The following LDLRAD4 variants were observed in gnomAD, a reference collection of about 807,000 sequenced individuals.
LDLRAD4 encodes low density lipoprotein receptor class A domain containing 4.
Under a neutral mutation model 17.0 loss-of-function variants are expected in LDLRAD4, and 5 were observed. The observed-to-expected ratio is 0.29, with a 90% CI of 0.15 to 0.62. The LOEUF (loss-of-function observed/expected upper bound fraction) is 0.62, where lower values mean the gene tolerates loss of function less well. LDLRAD4 is among the 20% of genes least tolerant of loss of function. LDLRAD4 has a pLI of 0.84. For synonymous variants in LDLRAD4, 168 were observed against 171.8 expected, an observed-to-expected ratio of 0.98 and a Z score of 0.17; for missense variants, 340 against 424.7, an observed-to-expected ratio of 0.80 and a Z score of 1.75.
chr18:13,537,211 T>C (rs1226916729), intron 3 of LDLRAD4, among the ~76,000 whole-genome samples: 1 of 152,214 alleles, frequency 6.6e-6, no homozygotes, highest in Non-Finnish European at 1.5e-5. Context: ...ATTTCCTTTT[T>C]AAATACAGTC....
chr18:13,450,035 G>A (rs567481453), intron 3 of LDLRAD4, among the ~76,000 whole-genome samples: 11 of 152,322 alleles, frequency 7.2e-5, no homozygotes, highest in South Asian at 2.1e-4. Context: ...GAGAGAGTTC[G>A]CTCTTCCATT....
chr18:13,498,767 G>C (rs979675418), intron 3 of LDLRAD4, among the ~76,000 whole-genome samples: 1 of 149,140 alleles, frequency 6.7e-6, no homozygotes, highest in Non-Finnish European at 1.5e-5. Flanking sequence ...ACATCCCGCC[G>C]TGGACACTGG....
chr18:13,245,789 A>G (rs919181895), intron 1 of LDLRAD4, among the ~76,000 whole-genome samples: 4 of 152,178 alleles, frequency 2.6e-5, no homozygotes, highest in African/African-American at 9.6e-5. Context: ...CAGCTCTGCC[A>G]CCTGGTGTGC....
intron 3 of LDLRAD4, among the ~76,000 whole-genome samples, chr18:13,447,569 A>T (rs2091500206): frequency 6.6e-6 from 1 of 152,176 alleles, no homozygotes; most frequent in Admixed American, 6.5e-5. Flanking sequence ...TTACATTTTG[A>T]TTCTGTTACT....
intron 4 of LDLRAD4, among the ~76,000 whole-genome samples, chr18:13,627,357 G>T (rs1669240884): frequency 6.6e-6 from 1 of 152,238 alleles, no homozygotes; most frequent in Non-Finnish European, 1.5e-5. Context: ...GCCACACCCT[G>T]AGGCTGGGGC....
chr18:13,345,021 C>T (rs1053645547), intron 1 of LDLRAD4, among the ~76,000 whole-genome samples: 1 of 152,200 alleles, frequency 6.6e-6, no homozygotes, highest in South Asian at 2.1e-4. Flanking sequence ...GTCATGTCAT[C>T]TGCAAACAGG....
intron 3 of LDLRAD4, among the ~76,000 whole-genome samples, chr18:13,496,591 G>A (rs2093475011): frequency 6.6e-6 from 1 of 152,164 alleles, no homozygotes; most frequent in Non-Finnish European, 1.5e-5. Context: ...TTCGAATTAG[G>A]GAGACTCAAG....
intron 2 of LDLRAD4, among the ~76,000 whole-genome samples, chr18:13,397,081 A>G (rs562677719): frequency 1.3e-5 from 2 of 152,124 alleles, no homozygotes; most frequent in African/African-American, 4.8e-5. Flanking sequence ...GGGTCCGCCA[A>G]CCCTGAGGGA....
chr18:13,525,014 T>C lies in LDLRAD4; in HGVS notation c.181+86630T>C, dbSNP rs139111090. On this transcript the variant is annotated intron_variant, in intron 3 of 5. Coordinates refer to ENST00000359446, the Ensembl canonical transcript of LDLRAD4. Reference sequence around the variant, plus strand: ...AAGAGCTTAATTACAATCCCTGCAATTGGTTTGGGAGTGTGCGTGCGCCTT... The same window carrying C: ...AAGAGCTTAATTACAATCCCTGCAACTGGTTTGGGAGTGTGCGTGCGCCTT... 5.3e-5 allele frequency among the ~76,000 whole-genome samples: 8 copies of C among 152,298 alleles called. No individual in the cohort carries two copies. The East Asian group carries it at 1.5e-3, about 29-fold the overall frequency.
chr18:13,594,199 G>A (rs369569291), intron 3 of LDLRAD4, among the ~76,000 whole-genome samples: 1 of 152,132 alleles, frequency 6.6e-6, no homozygotes, highest in African/African-American at 2.4e-5. Flanking sequence ...GCAGGTGTGT[G>A]CCATGAGCTC....
At chr18:13,350,489 CTTG>C (rs1212317275) in intron 1 of LDLRAD4, among the ~76,000 whole-genome samples, 1 of 152,060 alleles carries the variant, frequency 6.6e-6, no homozygotes, top group Non-Finnish European at 1.5e-5. Context: ...TTGTGTTTTT[CTTG>C]TACATTTCTT....
intron 1 of LDLRAD4, among the ~76,000 whole-genome samples, chr18:13,224,114 C>A (rs913350494): frequency 3.9e-5 from 6 of 152,218 alleles, no homozygotes; most frequent in African/African-American, 1.4e-4. Flanking sequence ...TAATCCTAAT[C>A]TCTGCTCTCT....
intron 3 of LDLRAD4, among the ~76,000 whole-genome samples, chr18:13,476,665 G>T (rs1280339105): frequency 6.6e-6 from 1 of 151,948 alleles, no homozygotes; most frequent in Admixed American, 6.6e-5. Context: ...CAAAAAATGG[G>T]AAGATGCAGT....
chr18:13,469,236 A>G (rs1260277699), intron 3 of LDLRAD4, among the ~76,000 whole-genome samples: 1 of 152,270 alleles, frequency 6.6e-6, no homozygotes, highest in Non-Finnish European at 1.5e-5. Context: ...GAAAATAACA[A>G]GCATTGGCAA....
chr18:13,565,822 C>T (rs767194572), intron 3 of LDLRAD4, among the ~76,000 whole-genome samples: 6 of 152,222 alleles, frequency 3.9e-5, no homozygotes, highest in South Asian at 4.1e-4. Flanking sequence ...TCCATGCTTG[C>T]GGGGTCGCAC....
chr18:13,572,707 T>G (rs146245336), intron 3 of LDLRAD4, among the ~76,000 whole-genome samples: 1 of 152,230 alleles, frequency 6.6e-6, no homozygotes. Context: ...TTTAGTTAAA[T>G]TGGGGCTTCC....
chr18:13,273,576 G>A (rs2044686263), upstream of LDLRAD4, among the ~76,000 whole-genome samples: 1 of 152,156 alleles, frequency 6.6e-6, no homozygotes, highest in Non-Finnish European at 1.5e-5. Flanking sequence ...CCAGGTGTGA[G>A]CTGCCGGACC....
At chr18:13,583,687 G>GT (rs1470257881) in intron 3 of LDLRAD4, among the ~76,000 whole-genome samples, 1 of 152,114 alleles carries the variant, frequency 6.6e-6, no homozygotes, top group Non-Finnish European at 1.5e-5. Flanking sequence ...CCAGGGTGTG[G>GT]TTTTCACTCT....
chr18:13,457,091 T>G (rs114791370), intron 3 of LDLRAD4, among the ~76,000 whole-genome samples: 16,223 of 152,262 alleles, frequency 0.11, 1,144 homozygotes, highest in African/African-American at 0.2. Context: ...TAGTGTCAGC[T>G]CCACAGGCCG....
Sources: allele counts gnomAD v4.1 joint callset (sites outside exome capture counted in the v4.1 genomes callset), GRCh38; gene constraint gnomAD v4.1.1; transcripts MANE v1.5; gene names NCBI Gene and HGNC (gene_info 2026-07-23, HGNC 2026-07-21).